The following CRADD variants were observed in gnomAD, a reference collection of about 807,000 sequenced individuals.
CRADD encodes CARD and death domain containing adaptor protein, also known as death domain-containing protein CRADD.
In CRADD, 9 loss-of-function variants were observed where a neutral mutation model predicts 15.5. The ratio of observed to expected loss-of-function variants is 0.58; its 90% CI spans 0.35 to 1.01. The LOEUF (loss-of-function observed/expected upper bound fraction) is 1.01. Ranked by LOEUF, CRADD falls within the 50% of genes least tolerant of loss-of-function variation. The pLI, the probability that CRADD is intolerant of heterozygous loss-of-function variation, is 0.02. For missense variants in CRADD, 227 were observed against 250.3 expected (o/e 0.91, Z 0.63); for synonymous variants, 118 against 107.6 (o/e 1.10, Z -0.60).
chr12:93,842,617 A>G (rs1383045616), intron 2 of CRADD, among the ~76,000 whole-genome samples: 2 of 152,164 alleles, frequency 1.3e-5, no homozygotes, highest in East Asian at 1.9e-4. Context: ...TGGAAAAATT[A>G]TGTGAGAAAC....
intron 2 of CRADD, among the ~76,000 whole-genome samples, chr12:93,818,629 T>C (rs1957735718): frequency 6.6e-6 from 1 of 152,074 alleles, no homozygotes; most frequent in Non-Finnish European, 1.5e-5. Flanking sequence ...GTTAGAAATA[T>C]CTGCAGAGGG....
At chr12:93,739,481 T>C (rs181747626) in intron 2 of CRADD, among the ~76,000 whole-genome samples, 3 of 151,888 alleles carry the variant, frequency 2.0e-5, no homozygotes, top group Admixed American at 2.0e-4. Context: ...TTATTGGCAT[T>C]AGAGGAGTTC....
chr12:93,690,724 G>A (rs1028886103), intron 2 of CRADD, among the ~76,000 whole-genome samples: 1 of 152,196 alleles, frequency 6.6e-6, no homozygotes, highest in Non-Finnish European at 1.5e-5. Context: ...CAGAGCTGAG[G>A]TTCAAACACT....
chr12:93,689,355 A>T (rs2136809840), intron 2 of CRADD, among the ~76,000 whole-genome samples: 1 of 152,300 alleles, frequency 6.6e-6, no homozygotes, highest in East Asian at 1.9e-4. Flanking sequence ...TGTTTGCTTT[A>T]CATAATGTTA....
chr12:93,792,265 G>A (rs1485891328), intron 2 of CRADD, among the ~76,000 whole-genome samples: 3 of 152,158 alleles, frequency 2.0e-5, no homozygotes, highest in African/African-American at 7.2e-5. Flanking sequence ...AGAAAGCAAG[G>A]AGTTAGAAGG....
intron 2 of CRADD, among the ~76,000 whole-genome samples, chr12:93,699,331 G>A (rs183691572): frequency 6.6e-6 from 1 of 152,282 alleles, no homozygotes; most frequent in East Asian, 1.9e-4. Context: ...TTGTACATAA[G>A]AGAAAAAGAA....
At chr12:93,764,061 C>G (rs1015741872) in intron 2 of CRADD, among the ~76,000 whole-genome samples, 28 of 152,008 alleles carry the variant, frequency 1.8e-4, no homozygotes, top group African/African-American at 6.8e-4. Context: ...GCCAGGGTCC[C>G]AAGATGATGC....
intron 2 of CRADD, among the ~76,000 whole-genome samples, chr12:93,809,528 C>G (rs1001385670): frequency 1.3e-5 from 2 of 152,102 alleles, no homozygotes; most frequent in South Asian, 4.1e-4. Context: ...CAGATTAGAT[C>G]ACAAAATCCC....
At chr12:93,788,394 G>A (rs1413344337) in intron 2 of CRADD, among the ~76,000 whole-genome samples, 2 of 152,122 alleles carry the variant, frequency 1.3e-5, no homozygotes, top group South Asian at 4.1e-4. Context: ...GACACGTGGG[G>A]ATTATGGGAG....
intron 2 of CRADD, among the ~76,000 whole-genome samples, chr12:93,752,903 T>C (rs1956843639): frequency 6.6e-6 from 1 of 152,156 alleles, no homozygotes; most frequent in Admixed American, 6.5e-5. Flanking sequence ...GAAAGGCACA[T>C]CTCACATGGT....
At chr12:93,780,112 A>G (rs893199586) in intron 2 of CRADD, among the ~76,000 whole-genome samples, 21 of 152,200 alleles carry the variant, frequency 1.4e-4, no homozygotes, top group Admixed American at 2.6e-4. Context: ...AACAAGAAAA[A>G]CAAGTAAAGG....
chr12:93,861,979 A>G (rs1383441482), intron 2 of CRADD, among the ~76,000 whole-genome samples: 1 of 152,150 alleles, frequency 6.6e-6, no homozygotes, highest in East Asian at 1.9e-4. Context: ...TTCTCGTGGT[A>G]GTGAGTAAGT....
At chr12:93,863,645 A>T (rs373180992) in intron 2 of CRADD, among the ~76,000 whole-genome samples, 6 of 51,624 alleles carry the variant, frequency 1.2e-4, no homozygotes, top group South Asian at 1.5e-3. Flanking sequence ...TGTGTGTGTG[A>T]AGCTGTCATC....
intron 2 of CRADD, among the ~76,000 whole-genome samples, chr12:93,819,963 C>G (rs1957750686): frequency 6.6e-6 from 1 of 152,214 alleles, no homozygotes; most frequent in South Asian, 2.1e-4. Flanking sequence ...ATCACTCAGG[C>G]ATCTCATGCT....
At chr12:93,761,297 G>T (rs1956958235) in intron 2 of CRADD, among the ~76,000 whole-genome samples, 2 of 152,210 alleles carry the variant, frequency 1.3e-5, no homozygotes, top group Admixed American at 1.3e-4. Flanking sequence ...GCTGTGTGTA[G>T]TGTGAAGGGT....
chr12:93,850,251 C>T lies in CRADD; in HGVS notation c.580C>T (p.Leu194Phe). Residue 194 changes from leucine (L) to phenylalanine (F), a missense_variant, in exon 3 of 3, where the codon CTC becomes TTC. Coordinates refer to ENST00000332896, the MANE Select transcript of CRADD (RefSeq NM_003805.5). This position sits in a 1 kb window ranked among gnomAD's most constrained non-coding sequence, Gnocchi z 4.0. ...GGCTGTGGAGGTGGACCCCTCGCTGCTCCTGCACATGTTGGAGTGATGGTG... is the reference window on the plus strand; with the variant it reads ...GGCTGTGGAGGTGGACCCCTCGCTGTTCCTGCACATGTTGGAGTGATGGTG... The part of the protein sequence containing the change: ...LRAVEVDPSL[L>F]LHMLE The T allele has an allele frequency of 6.2e-7, 1 of 1,601,966 alleles. No individual in the cohort carries two copies. Among genetic ancestry groups the T allele is most frequent in the Non-Finnish European group, 8.5e-7 (1 of 1,173,832 alleles).
intron 2 of CRADD, among the ~76,000 whole-genome samples, chr12:93,687,978 T>C (rs1035928939): frequency 1.3e-5 from 2 of 152,218 alleles, no homozygotes; most frequent in Admixed American, 1.3e-4. Context: ...GGTACAGTCA[T>C]TACAAACTAC....
At chr12:93,878,508 C>T (rs2137071229) in intron 2 of CRADD, among the ~76,000 whole-genome samples, 1 of 152,272 alleles carries the variant, frequency 6.6e-6, no homozygotes, top group African/African-American at 2.4e-5. Flanking sequence ...CTCAGTAGGT[C>T]ACATGCCCCA....
At chr12:93,875,042 A>G (rs75148987) in intron 2 of CRADD, among the ~76,000 whole-genome samples, 6,300 of 152,160 alleles carry the variant, frequency 0.041, 220 homozygotes, top group East Asian at 0.16. Flanking sequence ...CTGTTATTGT[A>G]TTATGATCTA....
Sources: gnomAD v4.1 joint callset for allele counts (sites outside exome capture counted in the v4.1 genomes callset) on GRCh38, gnomAD v4.1.1 for gene constraint, Gnocchi (gnomAD v3.1) non-coding constraint, MANE v1.5 for transcripts, NCBI Gene and HGNC (gene_info 2026-07-23, HGNC 2026-07-21) for gene names.